The following COX5A variants were observed in gnomAD, a reference collection of about 807,000 sequenced individuals.
The protein encoded by COX5A is cytochrome c oxidase subunit 5A.
In COX5A, 6 loss-of-function variants were observed where a neutral mutation model predicts 16.1. The ratio of observed to expected loss-of-function variants is 0.37; its 90% CI spans 0.20 to 0.73. COX5A has a LOEUF of 0.73. Among genes scored for constraint, COX5A ranks in the 30% least tolerant of loss-of-function variants. The pLI, the probability that COX5A is intolerant of heterozygous loss-of-function variation, is 0.50. For missense variants in COX5A, 159 were observed against 194.9 expected (o/e 0.82, Z 1.10); for synonymous variants, 73 against 73.8 (o/e 0.99, Z 0.06).
intron 3 of COX5A, among the ~76,000 whole-genome samples, chr15:74,924,495 T>A (rs982285115): frequency 8.6e-5 from 13 of 152,018 alleles, no homozygotes; most frequent in Admixed American, 2.6e-4. Flanking sequence ...CACTCCAGCC[T>A]AGGGGACAGA....
chr15:74,920,510 A>G (rs1218114878), intron 4 of COX5A, 68 bp from the exon 5 acceptor site: 1 of 671,338 alleles, frequency 1.5e-6, no homozygotes, highest in Admixed American at 2.5e-5. Context: ...TTTAAAAATA[A>G]CCCTTAGTGC....
intron 2 of COX5A, among the ~76,000 whole-genome samples, chr15:74,928,295 A>G (rs933164117): frequency 6.6e-5 from 10 of 152,202 alleles, no homozygotes; most frequent in African/African-American, 2.2e-4. Context: ...ACTTACTTAG[A>G]TACTTATTCA....
intron 1 of COX5A, among the ~76,000 whole-genome samples, chr15:74,933,418 A>ATT (rs200940266): frequency 6.0e-5 from 8 of 134,134 alleles, no homozygotes; most frequent in Admixed American, 3.8e-4. Flanking sequence ...CAAAAAAAAA[A>ATT]ATATCTATCT....
intron 1 of COX5A, among the ~76,000 whole-genome samples, chr15:74,931,966 T>C (rs1472907489): frequency 2.0e-5 from 3 of 152,226 alleles, no homozygotes; most frequent in Non-Finnish European, 4.4e-5. Context: ...GAAAATTTTA[T>C]CTTTGGGTAT....
chr15:74,921,902 A>G (rs915658623), intron 4 of COX5A, among the ~76,000 whole-genome samples: 3 of 152,300 alleles, frequency 2.0e-5, no homozygotes, highest in East Asian at 1.9e-4. Flanking sequence ...AGATAAAATG[A>G]AAAGACCATT....
At chr15:74,927,260 G>A (rs761084905) in intron 2 of COX5A, among the ~76,000 whole-genome samples, 5 of 151,834 alleles carry the variant, frequency 3.3e-5, no homozygotes, top group South Asian at 2.1e-4. Context: ...TACTGCAACC[G>A]CTGCCACCTG....
At chr15:74,931,088 C>G (rs2065365503) in intron 1 of COX5A, among the ~76,000 whole-genome samples, 1 of 139,262 alleles carries the variant, frequency 7.2e-6, no homozygotes, top group African/African-American at 2.7e-5. Flanking sequence ...CACATCCTGA[C>G]AAATTACACA....
chr15:74,934,366 T>C (rs193246329), intron 1 of COX5A, among the ~76,000 whole-genome samples: 3 of 152,100 alleles, frequency 2.0e-5, no homozygotes, highest in Admixed American at 2.0e-4. Context: ...AGTCTCACTC[T>C]GTCGCCCAGG....
chr15:74,924,582 T>C (rs943843066), intron 3 of COX5A, among the ~76,000 whole-genome samples: 15 of 152,308 alleles, frequency 9.8e-5, no homozygotes, highest in African/African-American at 3.6e-4. Flanking sequence ...CTGTTCAAGG[T>C]AGGCTTTTGA....
intron 1 of COX5A, among the ~76,000 whole-genome samples, chr15:74,930,784 G>T (rs1216350541): frequency 6.7e-6 from 1 of 149,588 alleles, no homozygotes; most frequent in Non-Finnish European, 1.5e-5. Flanking sequence ...TTGGGAGGCC[G>T]AGATGGGCAG....
chr15:74,935,508 G>C (rs2065385218), intron 1 of COX5A, among the ~76,000 whole-genome samples: 2 of 151,506 alleles, frequency 1.3e-5, no homozygotes, highest in African/African-American at 2.4e-5. Context: ...GTGGAGGCAG[G>C]AGGATCAGTT....
chr15:74,926,283 G>A (rs2065343273), intron 3 of COX5A, among the ~76,000 whole-genome samples: 3 of 150,002 alleles, frequency 2.0e-5, no homozygotes, highest in Admixed American at 1.3e-4. Context: ...CTCGTGATCC[G>A]CCCGCCTCGG....
intron 4 of COX5A, among the ~76,000 whole-genome samples, chr15:74,921,324 C>T (rs866947256): frequency 7.1e-6 from 1 of 141,734 alleles, no homozygotes. Context: ...AGAAGAATGG[C>T]GTGAACCTGG....
chr15:74,920,320 T>C lies in COX5A; in HGVS notation c.*132A>G. 2 of 660,610 alleles carry C rather than the reference T, an allele frequency of 3.0e-6. No homozygotes were observed. The allele number at this position is 660,610 out of a possible 1,614,324, so 40.9% of individuals were successfully genotyped here. A position where few individuals can be genotyped will look rare whatever the true frequency, so the allele number is the denominator to read the frequency against. On this transcript the variant is annotated 3_prime_UTR_variant, in exon 5 of 5. Coordinates refer to ENST00000322347, the MANE Select transcript of COX5A (RefSeq NM_004255.4). ...CCTTTTATTAAAGTCCAAGTTACCA[T>C]TACATGGCTTGGTACTCAATAAAGG... is the stretch of plus-strand genomic sequence containing the variant.
intron 1 of COX5A, 196 bp downstream of exon 1, chr15:74,937,719 C>T (rs2065398088): frequency 2.7e-6 from 1 of 376,552 alleles, no homozygotes; most frequent in Non-Finnish European, 4.7e-6. Flanking sequence ...GGAAGTTGCG[C>T]GGGGGGAGGC....
chr15:74,935,358 T>C lies in COX5A; in HGVS notation c.100+2557A>G, dbSNP rs2065384567. Among the ~76,000 whole-genome samples, 4 of 151,748 alleles carry C rather than the reference T, an allele frequency of 2.6e-5. No individual in the cohort carries two copies. The South Asian group carries it at 8.3e-4, about 32-fold the overall frequency. On this transcript the variant is annotated intron_variant, in intron 1 of 4. Transcript: ENST00000322347. Reference sequence around the variant, plus strand: ...AGAAAAAGAAAAATTTGGCTGGGCATGGTGGCTCACACCTGTAATCCCAGC... The same window carrying C: ...AGAAAAAGAAAAATTTGGCTGGGCACGGTGGCTCACACCTGTAATCCCAGC...
chr15:74,921,921 C>T (rs1219739604), intron 4 of COX5A, among the ~76,000 whole-genome samples: 2 of 152,116 alleles, frequency 1.3e-5, no homozygotes, highest in South Asian at 2.1e-4. Context: ...TTGCTTTTGG[C>T]TCACACCTGA....
At chr15:74,936,103 C>T (rs2065388772) in intron 1 of COX5A, among the ~76,000 whole-genome samples, 1 of 151,792 alleles carries the variant, frequency 6.6e-6, no homozygotes, top group Non-Finnish European at 1.5e-5. Context: ...CCAGCATGGC[C>T]AACATGGTGA....
chr15:74,936,911 G>A (rs1289510216), intron 1 of COX5A, among the ~76,000 whole-genome samples: 1 of 152,084 alleles, frequency 6.6e-6, no homozygotes, highest in African/African-American at 2.4e-5. Context: ...TTACAGGCAT[G>A]AGCCACCGCG....
Sources: gnomAD v4.1 joint callset for allele counts (sites outside exome capture counted in the v4.1 genomes callset) on GRCh38, gnomAD v4.1.1 for gene constraint, MANE v1.5 for transcripts, NCBI Gene and HGNC (gene_info 2026-07-23, HGNC 2026-07-21) for gene names.